Variants in SLC29A2 observed in about 807,000 individuals in gnomAD.
SLC29A2 encodes the protein equilibrative nucleoside transporter 2.
In SLC29A2, 37 loss-of-function variants were observed where a neutral mutation model predicts 48.8. The ratio of observed to expected loss-of-function variants is 0.76; its 90% CI spans 0.58 to 1.00. The LOEUF is 1.00. Among genes scored for constraint, SLC29A2 ranks in the 50% least tolerant of loss-of-function variants. SLC29A2 has a pLI of 0.00. For missense variants in SLC29A2, 533 were observed against 578.6 expected (o/e 0.92, Z 0.81); for synonymous variants, 233 against 261.7 (o/e 0.89, Z 1.06).
rs779404334 is a variant in SLC29A2 at position 66,364,209 on chromosome 11, C to G, written c.1259+16G>C. 2 of 1,573,776 alleles carry G rather than the reference C, an allele frequency of 1.3e-6. No individual in the cohort carries two copies. Among genetic ancestry groups the G allele is most frequent in the African/African-American group, 2.7e-5 (2 of 74,332 alleles). On this transcript the variant is annotated intron_variant, in intron 11 of 11. Transcript: ENST00000357440. ...TCCCTACTCCCAGCCCCCCACCCCA[C>G]CCCATTGCCCCGGACCTGGGCGCCA...
At chr11:66,364,503 CTTTTTTTTT>C (rs10605893) in intron 10 of SLC29A2, 79 bp from the exon 11 acceptor site, 1 of 654,658 alleles carries the variant, frequency 1.5e-6, no homozygotes, top group Admixed American at 3.0e-5. Context: ...CCATAGAGTA[CTTTTTTTTT>C]TTTTTTTTTT....
chr11:66,367,140 C>G (rs1217150701), intron 7 of SLC29A2, among the ~76,000 whole-genome samples: 1 of 152,126 alleles, frequency 6.6e-6, no homozygotes, highest in African/African-American at 2.4e-5. Context: ...CATTGAGGTT[C>G]AGAGGGGTGC....
At chr11:66,371,923 C>G, upstream of SLC29A2, 1 of 419,416 alleles carries the variant, frequency 2.4e-6, no homozygotes, top group South Asian at 3.1e-5. Flanking sequence ...AGCCCCTCCC[C>G]GCAGCCCCCC....
rs1367646867 is a variant in SLC29A2, at chr11:66,363,190, C to G, written c.*246G>C. The G allele has an allele frequency of 1.9e-6, 1 of 530,696 alleles. No individual in the cohort carries two copies. Among genetic ancestry groups the G allele is most frequent in the Non-Finnish European group, 3.4e-6 (1 of 291,206 alleles). The allele number at this position is 530,696 out of a possible 1,614,324, so 32.9% of individuals were successfully genotyped here. A position where few individuals can be genotyped will look rare whatever the true frequency, so the allele number is the denominator to read the frequency against. ...CACCCTCTTTTCCCTAGTCATCACCCTTTCCATGAGGTCTTGTGCGAGTCA... is the reference window on the plus strand; with the variant it reads ...CACCCTCTTTTCCCTAGTCATCACCGTTTCCATGAGGTCTTGTGCGAGTCA... On this transcript the variant is annotated 3_prime_UTR_variant, in exon 12 of 12. Transcript: ENST00000357440.
At position 66,371,670 on chromosome 11, in the gene SLC29A2, G is replaced by C; in HGVS notation, c.-79C>G. The C allele has an allele frequency of 7.2e-7, 1 of 1,392,916 alleles. No homozygotes were observed. Among genetic ancestry groups the C allele is most frequent in the Non-Finnish European group, 9.8e-7 (1 of 1,025,456 alleles). 86.3% of individuals were successfully genotyped at this position (1,392,916 alleles called of 1,614,324 possible). A position where few individuals can be genotyped will look rare whatever the true frequency, so the allele number is the denominator to read the frequency against. ...ACCTGCGCTGGGGCGGAGGGCCGCA[G>C]ACCGGTGGGGCGGGGGGCGGGTCTC... On this transcript the variant is annotated 5_prime_UTR_variant, in exon 1 of 12. Coordinates refer to ENST00000357440, the MANE Select transcript of SLC29A2 (RefSeq NM_001532.3).
chr11:66,368,561 G>A lies in SLC29A2; in HGVS notation c.526C>T (p.Leu176Phe), dbSNP rs149647183. The A allele has an allele frequency of 2.5e-6, 4 of 1,613,322 alleles. No individual in the cohort carries two copies. In the Admixed American group the frequency reaches 6.7e-5, roughly 27 times the overall value. The change falls in exon 5 of 12, where the codon CTT becomes TTT. Residue 176 changes from leucine to phenylalanine, a missense_variant. Physicochemically the swap from Leu to Phe is conservative, Grantham distance 22. Transcript: ENST00000357440. ...GQGLAGIFAA[L>F]AMLLSMASGV... ...CTGGCCATGGACAGGAGCATGGCAA[G>A]GGCAGCAAAGATCCCAGCCAGGCCC...
chr11:66,371,504 C>G, intron 1 of SLC29A2, 59 bp downstream of exon 1: 2 of 1,543,584 alleles, frequency 1.3e-6, no homozygotes, highest in Non-Finnish European at 8.8e-7. Context: ...CTCGGAGCGC[C>G]TTCAGGGAGC....
chr11:66,371,796 G>A (rs925818957), upstream of SLC29A2: 1 of 581,998 alleles, frequency 1.7e-6, no homozygotes, highest in Non-Finnish European at 3.0e-6. Flanking sequence ...TCCGCCCCGA[G>A]GCGGGGACAG....
rs1855538022 is a variant in SLC29A2, at chr11:66,364,253, C to T, written c.1231G>A (p.Val411Met). 4 of 1,613,136 alleles carry T rather than the reference C, an allele frequency of 2.5e-6. No homozygotes were observed. In the South Asian group the frequency reaches 4.4e-5, roughly 18 times the overall value. Residue 411 changes from valine to methionine, a missense_variant, in exon 11 of 12, where the codon GTG (valine) becomes ATG (methionine). By Grantham distance (21) the Val-to-Met change is conservative (BLOSUM62 1). Coordinates refer to ENST00000357440, the MANE Select transcript of SLC29A2 (RefSeq NM_001532.3). ...LLFAVSNGYL[V>M]SLTMCLAPRQ... ...GGCGCCAGGCACATGGTGAGGGACA[C>T]CAGGTAGCCATTAGAAACGGCAAAG...
At chr11:66,365,192 A>G (rs1855611320) in intron 10 of SLC29A2, among the ~76,000 whole-genome samples, 1 of 152,124 alleles carries the variant, frequency 6.6e-6, no homozygotes, top group Admixed American at 6.5e-5. Context: ...GGTGTGAGCC[A>G]CCGCGTCCAG....
Position 66,369,062 on chromosome 11 carries a change from T to C in SLC29A2, c.413A>G (p.Asn138Ser), listed in dbSNP as rs1441702021. 6.3e-7 allele frequency: 1 copy of C among 1,599,778 alleles called. No homozygotes were observed. Among genetic ancestry groups the C allele is most frequent in the Non-Finnish European group, 8.5e-7 (1 of 1,173,464 alleles). The change falls in exon 4 of 12, where the codon AAC becomes AGC. Residue 138 changes from asparagine to serine, a missense_variant and splice_region_variant. Asn to Ser is a conservative substitution (Grantham distance 46). Coordinates refer to ENST00000357440, the MANE Select transcript of SLC29A2 (RefSeq NM_001532.3). The stretch of plus-strand genomic sequence containing the variant: ...GGAGAGGGGGTGGAGGTGCTCACAG[T>C]TGATGAAGCAGACGGAGGCCATGGT... ...SITMASVCFINSFSAVLQGSL... is the reference protein window; with the variant it reads ...SITMASVCFISSFSAVLQGSL...
chr11:66,371,321 G>A lies in SLC29A2; in HGVS notation c.34C>T (p.His12Tyr). The part of the protein sequence containing the change: ...ARGDAPRDSY[H>Y]LVGISFFILG... ...ATGAAGAAGCTGATCCCGACCAGGT[G>A]GTAGCTGTGGGGATCGGTGGGAAGG... Residue 12 changes from histidine to tyrosine, a missense_variant, in exon 2 of 12, where the codon CAC (histidine) becomes TAC (tyrosine). Physicochemically the swap from His to Tyr is moderately conservative, Grantham distance 83 (BLOSUM62 2). Transcript: ENST00000357440. 1 of 1,613,754 alleles carries A rather than the reference G, an allele frequency of 6.2e-7. No individual in the cohort carries two copies. The highest frequency in any genetic ancestry group is 8.5e-7 in the Non-Finnish European group (1 of 1,179,926).
chr11:66,367,123 A>G (rs940521906), intron 7 of SLC29A2, among the ~76,000 whole-genome samples: 38 of 152,198 alleles, frequency 2.5e-4, no homozygotes, highest in African/African-American at 8.7e-4. Flanking sequence ...TTGCTTTACA[A>G]ATGACACATT....
rs780668882 is a variant in SLC29A2, at chr11:66,363,557, C to T, written c.1260-10G>A. On this transcript the variant is annotated splice_polypyrimidine_tract_variant and intron_variant, in intron 11 of 11. Transcript: ENST00000357440. ...GTGTGGCAGCACCTGCCTAGAACAC[C>T]CGGGAACAGGAGCTCTTAGAAAATG... 4 of 1,601,550 alleles carry T rather than the reference C, an allele frequency of 2.5e-6. No homozygotes were observed. Among genetic ancestry groups the T allele is most frequent in the Non-Finnish European group, 1.7e-6 (2 of 1,171,076 alleles).
chr11:66,362,968 G>A lies in SLC29A2; in HGVS notation c.*468C>T, dbSNP rs1419008233. On this transcript the variant is annotated 3_prime_UTR_variant, in exon 12 of 12. Transcript: ENST00000357440. ...GAGCCTGGCCCTTTGAGCACCCTCA[G>A]GTCCTCCACATCTGTTCCTCCTCTC... is the stretch of plus-strand genomic sequence containing the variant. 4.0e-6 allele frequency: 1 copy of A among 250,998 alleles called. No homozygotes were observed. Among genetic ancestry groups the A allele is most frequent in the Non-Finnish European group, 8.0e-6 (1 of 125,530 alleles). The allele number at this position is 250,998 out of a possible 1,614,324, so 15.5% of individuals were successfully genotyped here. A position where few individuals can be genotyped will look rare whatever the true frequency, so the allele number is the denominator to read the frequency against.
chr11:66,371,258 T>C lies in SLC29A2; in HGVS notation c.97A>G (p.Ile33Val), dbSNP rs1157283622. The part of the protein sequence containing the change: ...LGTLLPWNFF[I>V]TAIPYFQARL... ...AGGAGTCTCACCGGGATGGCGGTGA[T>C]GAAGAAGTTCCAGGGAAGGAGGGTG... Residue 33 changes from isoleucine (I) to valine (V), a missense_variant, in exon 2 of 12, where the codon ATC (isoleucine) becomes GTC (valine). Physicochemically the swap from Ile to Val is conservative, Grantham distance 29. Coordinates refer to ENST00000357440, the MANE Select transcript of SLC29A2 (RefSeq NM_001532.3). 3.1e-6 allele frequency: 5 copies of C among 1,613,732 alleles called. No homozygotes were observed. The highest frequency in any genetic ancestry group is 4.2e-6 in the Non-Finnish European group (5 of 1,179,972).
Position 66,371,581 on chromosome 11 carries a change from C to T in SLC29A2, c.11G>A (p.Gly4Glu). The change falls in exon 1 of 12, where the codon GGA becomes GAA. Residue 4 changes from glycine (G) to glutamate (E), a missense_variant. Coordinates refer to ENST00000357440, the MANE Select transcript of SLC29A2 (RefSeq NM_001532.3). MAR[G>E]DAPRDSYHLV... ...CACTCACCTGTCCCGCGGGGCGTCT[C>T]CTCGCGCCATGGCCGCCGCGGCGGA... The T allele has an allele frequency of 1.9e-6, 3 of 1,550,090 alleles. No homozygotes were observed. Among genetic ancestry groups the T allele is most frequent in the South Asian group, 1.2e-5 (1 of 84,344 alleles).
chr11:66,371,922 C>T (rs1003476130), upstream of SLC29A2: 3 of 421,094 alleles, frequency 7.1e-6, no homozygotes, highest in Non-Finnish European at 1.3e-5. Context: ...CAGCCCCTCC[C>T]CGCAGCCCCC....
upstream of SLC29A2, chr11:66,371,834 C>T: frequency 1.8e-6 from 1 of 556,926 alleles, no homozygotes; most frequent in South Asian, 2.2e-5. Flanking sequence ...CTCTCCTTCC[C>T]CCACCCGCCT....
Sources: allele counts gnomAD v4.1 joint callset (sites outside exome capture counted in the v4.1 genomes callset), GRCh38; gene constraint gnomAD v4.1.1; transcripts MANE v1.5; gene names NCBI Gene and HGNC (gene_info 2026-07-23, HGNC 2026-07-21).